STRBP: variants seen among roughly 807,000 people sequenced by gnomAD.
STRBP encodes spermatid perinuclear RNA binding protein, also known as spermatid perinuclear RNA-binding protein.
STRBP carries 13 observed loss-of-function variants against 80.1 expected under a neutral mutation model. The observed-to-expected ratio is 0.16, with a 90% CI of 0.11 to 0.26. The LOEUF is 0.26. Among genes scored for constraint, STRBP ranks in the 10% least tolerant of loss-of-function variants. The pLI is 1.00. For synonymous variants in STRBP, 284 were observed against 291.2 expected (o/e 0.98, Z 0.25); for missense variants, 485 against 815.2 (o/e 0.59, Z 4.93).
At chr9:123,134,444 A>G (rs748195728) in intron 16 of STRBP, among the ~76,000 whole-genome samples, 4 of 152,230 alleles carry the variant, frequency 2.6e-5, no homozygotes, top group Non-Finnish European at 5.9e-5. Context: ...GACAGTTTCA[A>G]GGTTAACTGT....
chr9:123,190,487 A>G (rs572732294), intron 2 of STRBP, among the ~76,000 whole-genome samples: 1 of 149,752 alleles, frequency 6.7e-6, no homozygotes, highest in South Asian at 2.1e-4. Context: ...AGGCACGTGC[A>G]AGAAGGTTAA....
intron 1 of STRBP, among the ~76,000 whole-genome samples, chr9:123,265,863 G>C (rs2041255349): frequency 6.6e-6 from 1 of 152,198 alleles, no homozygotes; most frequent in South Asian, 2.1e-4. Context: ...CAACAATCCA[G>C]ATCAGTTATT....
intron 2 of STRBP, among the ~76,000 whole-genome samples, chr9:123,205,290 C>T (rs998814223): frequency 1.3e-5 from 2 of 152,056 alleles, no homozygotes; most frequent in African/African-American, 2.4e-5. Context: ...TTCAAATATT[C>T]TCTGTCCTCC....
At chr9:123,201,630 T>C (rs1330989724) in intron 2 of STRBP, among the ~76,000 whole-genome samples, 1 of 152,222 alleles carries the variant, frequency 6.6e-6, no homozygotes, top group Non-Finnish European at 1.5e-5. Context: ...GGATATAATT[T>C]CGATTTTTTA....
In STRBP at chr9:123,136,075, G is replaced by A. The variant is rs768557411; in HGVS notation, c.1739C>T (p.Ala580Val). The change falls in exon 16 of 19, where the codon GCG becomes GTG. Residue 580 changes from alanine to valine, a missense_variant. Around this residue, in one of 3 missense-constraint regions of STRBP, gnomAD observed 85 missense variants for 120.1 expected, o/e 0.71. Coordinates refer to ENST00000348403, the MANE Select transcript of STRBP (RefSeq NM_018387.5). The surrounding 1 kb of genome is among the most constrained non-coding windows in gnomAD (Gnocchi z 4.2). Reference protein sequence around the residue: ...ALEKLFSGPNAANNKKKKIIP... With the variant: ...ALEKLFSGPNVANNKKKKIIP... ...AATCTTCTTTTTCTTATTATTTGCCGCATTGGGTCCAGAAAACAGTTTCTC... is the reference window on the plus strand; with the variant it reads ...AATCTTCTTTTTCTTATTATTTGCCACATTGGGTCCAGAAAACAGTTTCTC... The A allele has an allele frequency of 2.4e-5, 39 of 1,613,984 alleles. No individual in the cohort carries two copies. The highest frequency in any genetic ancestry group is 4.0e-5 in the African/African-American group (3 of 74,916).
At chr9:123,230,714 T>C (rs2040372792) in intron 2 of STRBP, among the ~76,000 whole-genome samples, 1 of 152,208 alleles carries the variant, frequency 6.6e-6, no homozygotes, top group South Asian at 2.1e-4. Flanking sequence ...CTATACACTA[T>C]TAATAATTAA....
intron 4 of STRBP, among the ~76,000 whole-genome samples, chr9:123,178,524 T>C (rs1230432582): frequency 1.3e-5 from 2 of 152,208 alleles, no homozygotes; most frequent in African/African-American, 2.4e-5. Flanking sequence ...AGTTATGATA[T>C]GCAAGACACT....
intron 9 of STRBP, 129 bp from the exon 10 acceptor site, chr9:123,158,558 G>T: frequency 1.3e-6 from 1 of 748,368 alleles, no homozygotes; most frequent in Non-Finnish European, 2.2e-6. Context: ...TAAGTTAAAA[G>T]TCTGCTCAGT....
chr9:123,142,566 C>G (rs900658450), intron 13 of STRBP, among the ~76,000 whole-genome samples: 1 of 152,132 alleles, frequency 6.6e-6, no homozygotes, highest in African/African-American at 2.4e-5. Flanking sequence ...CTAATGGGTC[C>G]CGTTTAGCCA....
At chr9:123,187,898 T>A (rs922381513) in intron 2 of STRBP, among the ~76,000 whole-genome samples, 2 of 152,152 alleles carry the variant, frequency 1.3e-5, no homozygotes, top group Admixed American at 6.5e-5. Context: ...ACATTAGGGT[T>A]CACTCTTTGC....
intron 2 of STRBP, among the ~76,000 whole-genome samples, chr9:123,232,515 C>T (rs1242354202): frequency 6.6e-6 from 1 of 152,286 alleles, no homozygotes; most frequent in Non-Finnish European, 1.5e-5. Flanking sequence ...TACTTCATTC[C>T]ATTCACAAAA....
intron 2 of STRBP, among the ~76,000 whole-genome samples, chr9:123,233,546 T>C (rs890718553): frequency 6.6e-6 from 1 of 152,214 alleles, no homozygotes; most frequent in Non-Finnish European, 1.5e-5. Flanking sequence ...AATAGATGCA[T>C]AGATGTAAGA....
At chr9:123,206,827 G>A (rs1320884773) in intron 2 of STRBP, among the ~76,000 whole-genome samples, 1 of 151,960 alleles carries the variant, frequency 6.6e-6, no homozygotes, top group Non-Finnish European at 1.5e-5. Flanking sequence ...TAGTAGAGAC[G>A]GGGTTTCGCC....
intron 14 of STRBP, among the ~76,000 whole-genome samples, chr9:123,138,343 T>C (rs1002468259): frequency 2.0e-5 from 3 of 152,346 alleles, no homozygotes; most frequent in African/African-American, 7.2e-5. Flanking sequence ...CTGGTCCCTC[T>C]GAGCAGCCAG....
At chr9:123,206,085 T>C (rs2039503751) in intron 2 of STRBP, among the ~76,000 whole-genome samples, 1 of 152,200 alleles carries the variant, frequency 6.6e-6, no homozygotes, top group Non-Finnish European at 1.5e-5. Flanking sequence ...TCGCCAATTG[T>C]GAACAAACCT....
chr9:123,181,571 C>T (rs2038458389), intron 3 of STRBP, among the ~76,000 whole-genome samples: 2 of 151,446 alleles, frequency 1.3e-5, no homozygotes, highest in South Asian at 2.1e-4. Flanking sequence ...CCAAGGCAGG[C>T]GGATCACCTG....
At chr9:123,251,781 A>G (rs2040922843) in intron 1 of STRBP, among the ~76,000 whole-genome samples, 1 of 152,250 alleles carries the variant, frequency 6.6e-6, no homozygotes, top group Non-Finnish European at 1.5e-5. Context: ...AGGCTAAGAT[A>G]TAGCTTTTCA....
chr9:123,113,383 T>C (rs1018805697), intron 3 of STRBP: 5 of 167,270 alleles, frequency 3.0e-5, no homozygotes, highest in African/African-American at 1.2e-4. Context: ...ATCCGTTATC[T>C]GGTCCTGCTT....
At chr9:123,191,883 A>G (rs371274286) in intron 2 of STRBP, among the ~76,000 whole-genome samples, 11 of 152,326 alleles carry the variant, frequency 7.2e-5, no homozygotes, top group African/African-American at 2.6e-4. Context: ...CATCTAAGTC[A>G]TATCTTTAAA....
Sources: gnomAD v4.1 joint callset for allele counts (sites outside exome capture counted in the v4.1 genomes callset) on GRCh38, gnomAD v4.1.1 for gene constraint, gnomAD v4.1.1 regional missense constraint, Gnocchi (gnomAD v3.1) non-coding constraint, MANE v1.5 for transcripts, NCBI Gene and HGNC (gene_info 2026-07-23, HGNC 2026-07-21) for gene names.